The following SPG11 variants were observed in gnomAD, a reference collection of about 807,000 sequenced individuals.
SPG11 encodes spatacsin.
A neutral mutation model predicts 274.0 loss-of-function variants in SPG11; 222 were observed. The observed-to-expected ratio is 0.81, with a 90% CI of 0.73 to 0.91. SPG11 has a LOEUF of 0.91. SPG11 is among the 40% of genes least tolerant of loss of function. SPG11 has a pLI of 0.00. For synonymous variants in SPG11, 1,144 were observed against 1,039.7 expected (o/e 1.10, Z -1.93); for missense variants, 3,114 against 2,872.7 (o/e 1.08, Z -1.92).
In SPG11 at chr15:44,651,710, A is replaced by G. The variant is rs1273271191; in HGVS notation, c.1237T>C (p.Trp413Arg). Residue 413 changes from tryptophan (W) to arginine (R), a missense_variant, in exon 6 of 40, where the codon TGG becomes CGG. Physicochemically the swap from Trp to Arg is moderately radical, Grantham distance 101 (BLOSUM62 -3). Transcript: ENST00000261866. ...HAKTSDPGRSWKIMHISEQEE... is the reference protein window; with the variant it reads ...HAKTSDPGRSRKIMHISEQEE... ...TGTTCACTGATGTGCATTATTTTCC[A>G]TGATCTTCCTGGATCACTGGTCTTG... 1 of 1,614,230 alleles carries G rather than the reference A, an allele frequency of 6.2e-7. No individual in the cohort carries two copies. Among genetic ancestry groups the G allele is most frequent in the Non-Finnish European group, 8.5e-7 (1 of 1,180,038 alleles).
At chr15:44,572,250 G>C (rs1056511123) in intron 33 of SPG11, among the ~76,000 whole-genome samples, 1 of 152,090 alleles carries the variant, frequency 6.6e-6, no homozygotes, top group South Asian at 2.1e-4. Context: ...TTTTAAAAAA[G>C]AGAACTTATC....
Position 44,575,040 on chromosome 15 carries a change from A to G in SPG11, c.5868T>C (p.Thr1956=). The part of the protein sequence containing the change: ...PDIPLRRVHS[T]SSLDSQKFVT... ...CAAACTTCTGACTATCCAGACTTGA[A>G]GCTGGAAGCAAATACAAGTCTGAGG... Residue 1956 remains threonine (T), a splice_region_variant and synonymous_variant, in exon 31 of 40, where the codon ACT becomes ACC. Coordinates refer to ENST00000261866, the MANE Select transcript of SPG11 (RefSeq NM_025137.4). 6.2e-7 allele frequency: 1 copy of G among 1,613,886 alleles called. No individual in the cohort carries two copies. Among genetic ancestry groups the G allele is most frequent in the Non-Finnish European group, 8.5e-7 (1 of 1,180,010 alleles).
At chr15:44,592,872 G>C (rs2082938796) in intron 26 of SPG11, among the ~76,000 whole-genome samples, 1 of 151,812 alleles carries the variant, frequency 6.6e-6, no homozygotes. Context: ...TGTGCCTATA[G>C]TCCCAGCTAC....
chr15:44,598,390 C>T lies in SPG11; in HGVS notation c.3893-17G>A, dbSNP rs1487385150. Reference sequence around the variant, plus strand: ...GTTTTTCGGCTGTAAGAAATATAAACAACAAAATATGGTGAAGAGAAAAAG... The same window carrying T: ...GTTTTTCGGCTGTAAGAAATATAAATAACAAAATATGGTGAAGAGAAAAAG... On this transcript the variant is annotated splice_polypyrimidine_tract_variant and intron_variant, in intron 22 of 39. Transcript: ENST00000261866. 4 of 1,602,662 alleles carry T rather than the reference C, an allele frequency of 2.5e-6. No homozygotes were observed. Among genetic ancestry groups the T allele is most frequent in the Non-Finnish European group, 3.4e-6 (4 of 1,169,904 alleles).
rs79743427 is a variant in SPG11, at chr15:44,626,289, A to T, written c.2244+42T>A. 5,037 of 1,506,208 alleles carry T rather than the reference A, an allele frequency of 3.3e-3. 207 individuals carry two copies. The East Asian group carries it at 0.079, about 24-fold the overall frequency. 93.3% of individuals were successfully genotyped at this position (1,506,208 alleles called of 1,614,324 possible). On this transcript the variant is annotated intron_variant, in intron 11 of 39. Coordinates refer to ENST00000261866, the MANE Select transcript of SPG11 (RefSeq NM_025137.4). ...ACCAATTTTATAATAACTAGAAATT[A>T]TATTAAATACATTTTAAGACTTTAT... is the stretch of plus-strand genomic sequence containing the variant.
In SPG11 at chr15:44,584,195, T is replaced by C; in HGVS notation, c.5485A>G (p.Ser1829Gly). 1 of 1,614,210 alleles carries C rather than the reference T, an allele frequency of 6.2e-7. No homozygotes were observed. The highest frequency in any genetic ancestry group is 8.5e-7 in the Non-Finnish European group (1 of 1,180,020). Residue 1829 changes from serine to glycine, a missense_variant, in exon 30 of 40, where the codon AGT (serine) becomes GGT (glycine). Ser to Gly is a moderately conservative substitution (Grantham distance 56, BLOSUM62 0). Transcript: ENST00000261866. ...EPRFSRQISTSGELSFDSLAS... is the reference protein window; with the variant it reads ...EPRFSRQISTGGELSFDSLAS... Reference sequence around the variant, plus strand: ...AAACTATCAAAGGAAAGTTCACCACTAGTTGAGATCTGTCGAGAAAATCTG... The same window carrying C: ...AAACTATCAAAGGAAAGTTCACCACCAGTTGAGATCTGTCGAGAAAATCTG...
intron 35 of SPG11, among the ~76,000 whole-genome samples, chr15:44,567,952 G>C (rs912933388): frequency 6.6e-6 from 1 of 152,184 alleles, no homozygotes; most frequent in African/African-American, 2.4e-5. Context: ...CAATCCAGAT[G>C]TCCAAAATAA....
intron 7 of SPG11, among the ~76,000 whole-genome samples, chr15:44,634,095 T>A (rs1319415756): frequency 6.6e-6 from 1 of 152,092 alleles, no homozygotes; most frequent in Non-Finnish European, 1.5e-5. Flanking sequence ...TGCCTTGGCC[T>A]CCCAAAGTGC....
At chr15:44,618,676 C>G (rs1268896169) in intron 15 of SPG11, among the ~76,000 whole-genome samples, 1 of 151,894 alleles carries the variant, frequency 6.6e-6, no homozygotes, top group African/African-American at 2.4e-5. Flanking sequence ...AGAAATCAGC[C>G]GGGCGTGGTG....
At position 44,646,568 on chromosome 15, in the gene SPG11, G is replaced by C. The variant is rs143854167; in HGVS notation, c.1602+2298C>G. 2.1e-3 allele frequency among the ~76,000 whole-genome samples: 324 copies of C among 152,204 alleles called. 1 individual carries two copies. Among genetic ancestry groups the C allele is most frequent in the African/African-American group, 7.4e-3 (308 of 41,524 alleles). ...GGATTACAATTCAAGATGAGATTTG[G>C]GTGGGGACACAGAGCCAAACCATAT... On this transcript the variant is annotated intron_variant, in intron 7 of 39. Coordinates refer to ENST00000261866, the MANE Select transcript of SPG11 (RefSeq NM_025137.4).
chr15:44,638,425 C>T (rs1416402340), intron 7 of SPG11, among the ~76,000 whole-genome samples: 1 of 151,742 alleles, frequency 6.6e-6, no homozygotes, highest in Non-Finnish European at 1.5e-5. Context: ...GTGCCACCTG[C>T]ACTCCAGCCT....
At chr15:44,585,411 C>G (rs1168075675) in intron 29 of SPG11, among the ~76,000 whole-genome samples, 1 of 144,460 alleles carries the variant, frequency 6.9e-6, no homozygotes, top group Non-Finnish European at 1.5e-5. Context: ...ACAGTGAAAC[C>G]CCATCTCTAC....
At chr15:44,637,084 T>C (rs763318939) in intron 7 of SPG11, among the ~76,000 whole-genome samples, 14 of 151,770 alleles carry the variant, frequency 9.2e-5, no homozygotes, top group Non-Finnish European at 1.9e-4. Context: ...ATCACACATA[T>C]AAAAACAATG....
chr15:44,583,601 G>C (rs1448681992), intron 30 of SPG11, among the ~76,000 whole-genome samples: 1 of 152,194 alleles, frequency 6.6e-6, no homozygotes, highest in Non-Finnish European at 1.5e-5. Flanking sequence ...AAATCAGATA[G>C]ATTCCCTTTA....
Position 44,657,204 on chromosome 15 carries a change from C to T in SPG11, c.760G>A (p.Ala254Thr), listed in dbSNP as rs551882460. The change falls in exon 4 of 40, where the codon GCC (alanine) becomes ACC (threonine). Residue 254 changes from alanine (A) to threonine (T), a missense_variant. Transcript: ENST00000261866. ...DMCNEQQQEP[A>T]KISSFTSLKV... ...AGTGAAGTAAATGAAGAAATCTTGG[C>T]TGGCTCCTGTTGCTGCTCATTACAC... 6.2e-7 allele frequency: 1 copy of T among 1,614,180 alleles called. No homozygotes were observed. The highest frequency in any genetic ancestry group is 1.3e-5 in the African/African-American group (1 of 75,050).
At chr15:44,577,399 A>C (rs2140935653) in intron 30 of SPG11, among the ~76,000 whole-genome samples, 1 of 149,084 alleles carries the variant, frequency 6.7e-6, no homozygotes, top group Non-Finnish European at 1.5e-5. Flanking sequence ...GCTACTTAGG[A>C]GGCTGAGGCA....
Position 44,660,508 on chromosome 15 carries a change from A to G in SPG11, c.366T>C (p.Asp122=). The change falls in exon 2 of 40, where the codon GAT becomes GAC. Residue 122 remains aspartate (D), a synonymous_variant. Coordinates refer to ENST00000261866, the MANE Select transcript of SPG11 (RefSeq NM_025137.4). ...ACAAAATGGTTGCATCACATCTTCC[A>G]TCTTTCAAATTAAATTCATAGATAA... is the stretch of plus-strand genomic sequence containing the variant. ...ELLIYEFNLK[D]GRCDATILYS... is the part of the protein sequence containing the mutation. The G allele has an allele frequency of 6.2e-7, 1 of 1,614,186 alleles. No homozygotes were observed.
At chr15:44,625,570 A>C (rs1276582534) in intron 11 of SPG11, among the ~76,000 whole-genome samples, 1 of 152,038 alleles carries the variant, frequency 6.6e-6, no homozygotes, top group African/African-American at 2.4e-5. Context: ...CCATGACTGT[A>C]AGTTTCCTGA....
chr15:44,620,150 G>T lies in SPG11; in HGVS notation c.2834+40C>A, dbSNP rs775799385. ...CATTATTTTTTCTTGCTCTTCCCTTGTATTCTTCCCATTGGGTATTAGTTC... is the reference window on the plus strand; with the variant it reads ...CATTATTTTTTCTTGCTCTTCCCTTTTATTCTTCCCATTGGGTATTAGTTC... On this transcript the variant is annotated intron_variant, in intron 15 of 39. Coordinates refer to ENST00000261866, the MANE Select transcript of SPG11 (RefSeq NM_025137.4). 4.7e-6 allele frequency: 7 copies of T among 1,483,638 alleles called. No homozygotes were observed. In the South Asian group the frequency reaches 7.9e-5, roughly 17 times the overall value. 91.9% of individuals were successfully genotyped at this position (1,483,638 alleles called of 1,614,324 possible).
Sources: allele counts gnomAD v4.1 joint callset (sites outside exome capture counted in the v4.1 genomes callset), GRCh38; gene constraint gnomAD v4.1.1; transcripts MANE v1.5; gene names NCBI Gene and HGNC (gene_info 2026-07-23, HGNC 2026-07-21).